Variants in TRPC7 observed in about 807,000 individuals in gnomAD.
The protein encoded by TRPC7 is transient receptor potential cation channel subfamily C member 7, also known as short transient receptor potential channel 7.
In TRPC7, 42 loss-of-function variants were observed where a neutral mutation model predicts 90.1. That is an observed-to-expected ratio of 0.47 (90% CI 0.36 to 0.60). The LOEUF is 0.60. Among genes scored for constraint, TRPC7 ranks in the 20% least tolerant of loss-of-function variants. TRPC7 has a pLI of 0.00. For missense variants in TRPC7, 955 were observed against 1,112.3 expected, an observed-to-expected ratio of 0.86 and a Z score of 2.01; for synonymous variants, 451 against 436.3, an observed-to-expected ratio of 1.03 and a Z score of -0.42.
At chr5:136,359,058 G>C (rs955330623) in intron 1 of TRPC7, among the ~76,000 whole-genome samples, 5 of 152,110 alleles carry the variant, frequency 3.3e-5, no homozygotes, top group East Asian at 1.9e-4. Context: ...ACAGAGAAAG[G>C]CTTTAAAATT....
chr5:136,226,095 T>G lies in TRPC7; in HGVS notation c.2201A>C (p.Lys734Thr). The G allele has an allele frequency of 6.2e-7, 1 of 1,604,514 alleles. No individual in the cohort carries two copies. The highest frequency in any genetic ancestry group is 8.5e-7 in the Non-Finnish European group (1 of 1,174,980). The change falls in exon 9 of 12, where the codon AAA becomes ACA. Residue 734 changes from lysine (K) to threonine (T), a missense_variant. Physicochemically the swap from Lys to Thr is moderately conservative, Grantham distance 78 (BLOSUM62 -1). Coordinates refer to ENST00000513104, the MANE Select transcript of TRPC7 (RefSeq NM_020389.3). Reference protein sequence around the residue: ...RIKMCLIKLCKSKAKSCENDL... With the variant: ...RIKMCLIKLCTSKAKSCENDL... ...ATTTTCACAGCTTTTGGCCTTAGAT[T>G]TGCAGAGTTTTATGAGGCACATCTT...
intron 2 of TRPC7, among the ~76,000 whole-genome samples, chr5:136,329,242 C>T (rs1003935904): frequency 5.9e-5 from 9 of 152,060 alleles, no homozygotes; most frequent in South Asian, 2.1e-4. Flanking sequence ...TTCAAGGAAA[C>T]GACTCAGGTA....
intron 2 of TRPC7, 57 bp downstream of exon 2, chr5:136,356,551 A>T: frequency 6.9e-7 from 1 of 1,445,456 alleles, no homozygotes. Context: ...CACACTGGAC[A>T]CACGTGGAAG....
At chr5:136,319,400 C>T (rs1047930147) in intron 2 of TRPC7, among the ~76,000 whole-genome samples, 3 of 152,014 alleles carry the variant, frequency 2.0e-5, no homozygotes, top group African/African-American at 7.3e-5. Context: ...CTTTCTCTCT[C>T]CTGAATTCTC....
At chr5:136,342,156 C>G (rs1452155179) in intron 2 of TRPC7, among the ~76,000 whole-genome samples, 1 of 152,122 alleles carries the variant, frequency 6.6e-6, no homozygotes, top group Admixed American at 6.5e-5. Flanking sequence ...TGAAATATAG[C>G]CTCAACTAAG....
chr5:136,349,916 G>A (rs1760137116), intron 2 of TRPC7, among the ~76,000 whole-genome samples: 1 of 152,098 alleles, frequency 6.6e-6, no homozygotes, highest in Non-Finnish European at 1.5e-5. Flanking sequence ...AATTTTATGT[G>A]GTATTTTACT....
chr5:136,226,281 C>T (rs1561678599), intron 8 of TRPC7, 26 bp from the exon 9 acceptor site: 2 of 1,530,342 alleles, frequency 1.3e-6, no homozygotes, highest in Non-Finnish European at 1.8e-6. Flanking sequence ...AACAACAACA[C>T]ACCCTCAAAG....
intron 9 of TRPC7, 78 bp downstream of exon 9, chr5:136,225,956 A>G: frequency 2.4e-6 from 3 of 1,267,282 alleles, no homozygotes; most frequent in Non-Finnish European, 3.3e-6. Flanking sequence ...GAGGGCAGCC[A>G]TATGACTCAA....
intron 7 of TRPC7, among the ~76,000 whole-genome samples, chr5:136,232,230 T>C (rs2149797461): frequency 6.6e-6 from 1 of 152,338 alleles, no homozygotes; most frequent in African/African-American, 2.4e-5. Context: ...CATTAAGCCC[T>C]AACCATTTCT....
chr5:136,341,800 A>C (rs1333278535), intron 2 of TRPC7, among the ~76,000 whole-genome samples: 1 of 152,194 alleles, frequency 6.6e-6, no homozygotes, highest in Non-Finnish European at 1.5e-5. Context: ...TGAATTTTTC[A>C]ACCAGTTACA....
rs140963121 is a variant in TRPC7, at chr5:136,267,675, T to A, written c.1129-1239A>T. Among the ~76,000 whole-genome samples the A allele has an allele frequency of 3.3e-5, 5 of 152,380 alleles. No individual in the cohort carries two copies. In the East Asian group the frequency reaches 9.6e-4, roughly 29 times the overall value. On this transcript the variant is annotated intron_variant, in intron 4 of 11. Transcript: ENST00000513104. ...TATGTTAATCATCCACTTTAATTAC[T>A]GTAGTTATTAGCATAACATTATTAT...
intron 6 of TRPC7, 108 bp downstream of exon 6, chr5:136,251,541 G>A (rs1396917791): frequency 2.2e-6 from 2 of 895,356 alleles, no homozygotes; most frequent in Non-Finnish European, 3.4e-6. Flanking sequence ...TACAAATCAT[G>A]GGCCACTTGA....
intron 2 of TRPC7, among the ~76,000 whole-genome samples, chr5:136,351,455 C>T (rs1311555388): frequency 6.6e-6 from 1 of 152,206 alleles, no homozygotes; most frequent in African/African-American, 2.4e-5. Context: ...GGGTGTTGGA[C>T]TATAACATTT....
rs563893550 is a variant in TRPC7, at chr5:136,213,338, G to C, written c.*97C>G. The C allele has an allele frequency of 1.6e-6, 2 of 1,252,676 alleles. No individual in the cohort carries two copies. The highest frequency in any genetic ancestry group is 2.2e-6 in the Non-Finnish European group (2 of 891,830). 77.6% of individuals were successfully genotyped at this position (1,252,676 alleles called of 1,614,324 possible). On this transcript the variant is annotated 3_prime_UTR_variant, in exon 12 of 12. Coordinates refer to ENST00000513104, the MANE Select transcript of TRPC7 (RefSeq NM_020389.3). ...AGGAGATCCCCTTCGTGTCCTAGAG[G>C]AGTGGGCTGGGGACCCCTCCCCACC...
intron 1 of TRPC7, among the ~76,000 whole-genome samples, chr5:136,358,694 T>A (rs774259005): frequency 2.0e-5 from 3 of 152,224 alleles, no homozygotes; most frequent in African/African-American, 7.2e-5. Flanking sequence ...CTTGAGCAGG[T>A]CCCAGCTTCT....
At chr5:136,213,726 G>C (rs1172059925) in intron 11 of TRPC7, 122 bp from the exon 12 acceptor site, 16 of 1,100,330 alleles carry the variant, frequency 1.5e-5, no homozygotes, top group Non-Finnish European at 2.1e-5. Context: ...GCCCACCAGG[G>C]TTGAAGGTGA....
rs376839341 is a variant in TRPC7, at chr5:136,356,737, C to A, written c.651G>T (p.Ser217=). Residue 217 remains serine, a synonymous_variant, in exon 2 of 12, where the codon TCG becomes TCT. Coordinates refer to ENST00000513104, the MANE Select transcript of TRPC7 (RefSeq NM_020389.3). ...QRKDSFSHSR[S]RMNAYKGLAS... The stretch of plus-strand genomic sequence containing the variant: ...CCAGTCCTTTGTAGGCGTTCATGCG[C>A]GAGCGCGAGTGGCTGAAGGAGTCTT... The A allele has an allele frequency of 1.9e-6, 3 of 1,612,426 alleles. No homozygotes were observed. In the East Asian group the frequency reaches 6.7e-5, roughly 36 times the overall value.
chr5:136,354,485 C>T (rs1760299978), intron 2 of TRPC7, among the ~76,000 whole-genome samples: 1 of 152,154 alleles, frequency 6.6e-6, no homozygotes, highest in Non-Finnish European at 1.5e-5. Flanking sequence ...GTTGGCCTGG[C>T]CTTTCTGTCC....
intron 3 of TRPC7, among the ~76,000 whole-genome samples, chr5:136,310,415 A>C (rs1758788832): frequency 6.6e-6 from 1 of 152,152 alleles, no homozygotes; most frequent in Non-Finnish European, 1.5e-5. Flanking sequence ...CACCCTCTGC[A>C]CTTTGTTCCC....
Sources: gnomAD v4.1 joint callset for allele counts (sites outside exome capture counted in the v4.1 genomes callset) on GRCh38, gnomAD v4.1.1 for gene constraint, MANE v1.5 for transcripts, NCBI Gene and HGNC (gene_info 2026-07-23, HGNC 2026-07-21) for gene names.